Variants in NKAIN3 observed in about 807,000 individuals in gnomAD.
The protein encoded by NKAIN3 is sodium/potassium-transporting ATPase subunit beta-1-interacting protein 3.
A neutral mutation model predicts 30.2 loss-of-function variants in NKAIN3; 25 were observed. The observed-to-expected ratio is 0.83, with a 90% CI of 0.60 to 1.16. The LOEUF is 1.16. NKAIN3 is among the 50% of genes most tolerant of loss of function. The probability of loss-of-function intolerance (pLI) is 0.00; values close to 1 mark genes in which losing one functional copy is unlikely to be tolerated. For missense variants in NKAIN3, 225 were observed against 254.1 expected (o/e 0.89, Z 0.78); for synonymous variants, 91 against 89.6 (o/e 1.02, Z -0.09).
At chr8:62,371,408 G>T (rs908307012) in intron 1 of NKAIN3, among the ~76,000 whole-genome samples, 2 of 151,844 alleles carry the variant, frequency 1.3e-5, no homozygotes, top group Admixed American at 6.6e-5. Context: ...TTTAAAAATT[G>T]TTATTCTACT....
intron 4 of NKAIN3, among the ~76,000 whole-genome samples, chr8:62,817,954 G>A (rs1818736073): frequency 6.6e-6 from 1 of 151,960 alleles, no homozygotes; most frequent in Non-Finnish European, 1.5e-5. Context: ...TTTCTGCATG[G>A]CCTCTTTTAA....
intron 3 of NKAIN3, among the ~76,000 whole-genome samples, chr8:62,660,562 A>G (rs1586060616): frequency 6.6e-6 from 1 of 152,294 alleles, no homozygotes; most frequent in East Asian, 1.9e-4. Context: ...TCAGGAGAAT[A>G]TGATACCAAA....
At chr8:62,870,699 A>ATC (rs1820610161) in intron 4 of NKAIN3, among the ~76,000 whole-genome samples, 1 of 139,160 alleles carries the variant, frequency 7.2e-6, no homozygotes, top group Non-Finnish European at 1.5e-5. Context: ...CTCTATCTAT[A>ATC]TATCTATATA....
chr8:62,994,172 C>T (rs1050260237), intron 5 of NKAIN3, among the ~76,000 whole-genome samples: 3 of 152,124 alleles, frequency 2.0e-5, no homozygotes, highest in Non-Finnish European at 4.4e-5. Context: ...CTGCTTTCAT[C>T]GAAGCATTTT....
At chr8:62,590,762 CA>C (rs932759205) in intron 3 of NKAIN3, among the ~76,000 whole-genome samples, 2 of 151,724 alleles carry the variant, frequency 1.3e-5, no homozygotes, top group Admixed American at 6.6e-5. Flanking sequence ...AGCCAAGCAG[CA>C]AAAATCCCTG....
intron 1 of NKAIN3, among the ~76,000 whole-genome samples, chr8:62,377,251 A>G (rs1276724627): frequency 6.6e-6 from 1 of 152,180 alleles, no homozygotes; most frequent in East Asian, 1.9e-4. Context: ...TATCTACTAC[A>G]CACACACAGA....
At chr8:62,750,676 G>T (rs116404971) in intron 4 of NKAIN3, among the ~76,000 whole-genome samples, 4,017 of 152,212 alleles carry the variant, frequency 0.026, 186 homozygotes, top group African/African-American at 0.091. Flanking sequence ...GGTTCTTGTT[G>T]TCCTAAAGTC....
chr8:62,535,549 T>A (rs2129863136), intron 1 of NKAIN3, among the ~76,000 whole-genome samples: 1 of 152,286 alleles, frequency 6.6e-6, no homozygotes, highest in Admixed American at 6.5e-5. Context: ...TTTAGGCTCA[T>A]CAATTTTCTG....
At chr8:62,686,302 G>C (rs971052493) in intron 3 of NKAIN3, among the ~76,000 whole-genome samples, 2 of 152,098 alleles carry the variant, frequency 1.3e-5, no homozygotes, top group Non-Finnish European at 2.9e-5. Flanking sequence ...CAAGGTGTCA[G>C]ACCTATATTG....
chr8:62,691,365 CTGT>C (rs1813960675), intron 3 of NKAIN3, among the ~76,000 whole-genome samples: 1 of 152,038 alleles, frequency 6.6e-6, no homozygotes, highest in African/African-American at 2.4e-5. Flanking sequence ...GCTGTTCCAA[CTGT>C]ACGGCTTAGA....
intron 4 of NKAIN3, among the ~76,000 whole-genome samples, chr8:62,877,906 G>A (rs1586301622): frequency 1.3e-5 from 2 of 151,998 alleles, no homozygotes; most frequent in African/African-American, 4.8e-5. Context: ...CGGGCATGGT[G>A]GCACATGCCT....
At chr8:62,687,502 C>T (rs991911303) in intron 3 of NKAIN3, among the ~76,000 whole-genome samples, 1 of 152,142 alleles carries the variant, frequency 6.6e-6, no homozygotes, top group Non-Finnish European at 1.5e-5. Context: ...TCCTTCCAGA[C>T]AATGTTTTGC....
intron 4 of NKAIN3, among the ~76,000 whole-genome samples, chr8:62,905,997 C>A (rs980360408): frequency 1.6e-4 from 24 of 152,206 alleles, no homozygotes; most frequent in Admixed American, 1.3e-3. Flanking sequence ...CATGAGGTAA[C>A]TTCTTCCCCA....
At chr8:62,325,955 A>G (rs1815106709) in intron 1 of NKAIN3, among the ~76,000 whole-genome samples, 1 of 151,832 alleles carries the variant, frequency 6.6e-6, no homozygotes, top group Non-Finnish European at 1.5e-5. Context: ...CTCTGTGGGT[A>G]GTCTGTTTAC....
At chr8:62,762,948 G>A (rs1326771129) in intron 4 of NKAIN3, among the ~76,000 whole-genome samples, 1 of 151,928 alleles carries the variant, frequency 6.6e-6, no homozygotes, top group African/African-American at 2.4e-5. Flanking sequence ...TATAGGCTGG[G>A]CACAGTGGCT....
intron 3 of NKAIN3, among the ~76,000 whole-genome samples, chr8:62,604,332 C>T (rs934075658): frequency 6.6e-6 from 1 of 152,112 alleles, no homozygotes; most frequent in African/African-American, 2.4e-5. Flanking sequence ...TCACTTTTGC[C>T]TGCTTTCTGA....
chr8:62,824,611 G>A (rs140995190), intron 4 of NKAIN3, among the ~76,000 whole-genome samples: 32 of 152,090 alleles, frequency 2.1e-4, no homozygotes, highest in African/African-American at 7.2e-4. Context: ...ACTTCCTGGG[G>A]AAATTTAGTC....
At chr8:62,558,679 A>G (rs899014786) in intron 1 of NKAIN3, among the ~76,000 whole-genome samples, 3 of 151,726 alleles carry the variant, frequency 2.0e-5, no homozygotes, top group African/African-American at 7.3e-5. Flanking sequence ...TTTGTTTTCA[A>G]ATTCATTGAT....
intron 1 of NKAIN3, among the ~76,000 whole-genome samples, chr8:62,500,321 T>C (rs1807386564): frequency 6.6e-6 from 1 of 152,040 alleles, no homozygotes; most frequent in Admixed American, 6.6e-5. Context: ...TTTTAGATAA[T>C]GACACCATGT....
Sources: allele counts gnomAD v4.1 joint callset (sites outside exome capture counted in the v4.1 genomes callset), GRCh38; gene constraint gnomAD v4.1.1; transcripts MANE v1.5; gene names NCBI Gene and HGNC (gene_info 2026-07-23, HGNC 2026-07-21).